TEX15: variants seen among roughly 807,000 people sequenced by gnomAD.
TEX15 encodes the protein testis-expressed protein 15.
Under a neutral mutation model 237.3 loss-of-function variants are expected in TEX15, and 171 were observed. The ratio of observed to expected loss-of-function variants is 0.72; its 90% CI spans 0.64 to 0.82. The LOEUF (loss-of-function observed/expected upper bound fraction) is 0.82, where lower values mean the gene tolerates loss of function less well. TEX15 is among the 40% of genes least tolerant of loss of function. The pLI is 0.00. For missense variants in TEX15, 3,750 were observed against 3,646.5 expected (o/e 1.03, Z -0.73); for synonymous variants, 1,338 against 1,269.8 (o/e 1.05, Z -1.14).
chr8:30,864,139 C>T (rs1163138735), intron 5 of TEX15, among the ~76,000 whole-genome samples: 1 of 151,804 alleles, frequency 6.6e-6, no homozygotes, highest in Non-Finnish European at 1.5e-5. Flanking sequence ...AAAAAGAAAT[C>T]CAATAGCTGA....
At position 30,842,253 on chromosome 8, in the gene TEX15, T is replaced by A. The variant is rs201135018; in HGVS notation, c.7914A>T (p.Leu2638=). 1 of 1,613,666 alleles carries A rather than the reference T, an allele frequency of 6.2e-7. No individual in the cohort carries two copies. The highest frequency in any genetic ancestry group is 2.2e-5 in the East Asian group (1 of 44,824). Residue 2638 remains leucine (L), a synonymous_variant, in exon 8 of 11, where the codon CTA becomes CTT. Transcript: ENST00000643185. ...KNAELTISFF[L]CQMLYNRRKI... The stretch of plus-strand genomic sequence containing the variant: ...TCCTTCTGTTATACAGCATTTGGCA[T>A]AGGAAAAAGGAAATGGTTAGTTCAG...
chr8:30,897,163 C>G (rs1311610617), intron 2 of TEX15, among the ~76,000 whole-genome samples: 1 of 152,152 alleles, frequency 6.6e-6, no homozygotes, highest in East Asian at 1.9e-4. Flanking sequence ...GTATCTTGTC[C>G]TGATTCTGCC....
intron 3 of TEX15, among the ~76,000 whole-genome samples, chr8:30,875,357 C>T (rs1301498642): frequency 6.6e-6 from 1 of 152,166 alleles, no homozygotes; most frequent in Non-Finnish European, 1.5e-5. Context: ...ACAGATATGA[C>T]AGTCCCAGAA....
At chr8:30,866,359 A>G (rs1374778078) in intron 5 of TEX15, among the ~76,000 whole-genome samples, 1 of 146,856 alleles carries the variant, frequency 6.8e-6, no homozygotes, top group Non-Finnish European at 1.5e-5. Context: ...GAGAAAGGAG[A>G]AAGGGGAAGA....
At chr8:30,912,391 C>T (rs1809247003) in intron 1 of TEX15, among the ~76,000 whole-genome samples, 1 of 146,644 alleles carries the variant, frequency 6.8e-6, no homozygotes, top group African/African-American at 2.5e-5. Flanking sequence ...TCCCCACGCG[C>T]CCTGCGCAAC....
At chr8:30,841,637 C>A (rs1040474122) in intron 8 of TEX15, among the ~76,000 whole-genome samples, 1 of 152,182 alleles carries the variant, frequency 6.6e-6, no homozygotes, top group South Asian at 2.1e-4. Flanking sequence ...ATATTCACTA[C>A]ACGGGGCATA....
At chr8:30,868,534 C>G (rs909465996) in intron 4 of TEX15, among the ~76,000 whole-genome samples, 1 of 151,926 alleles carries the variant, frequency 6.6e-6, no homozygotes, top group Non-Finnish European at 1.5e-5. Context: ...TGAAGTATAC[C>G]ATGCACATAA....
intron 5 of TEX15, among the ~76,000 whole-genome samples, chr8:30,866,359 AAAGGGGAAGAGGAAGGGG>A (rs895788599): frequency 1.4e-5 from 2 of 146,856 alleles, no homozygotes; most frequent in Admixed American, 6.7e-5. Flanking sequence ...GAGAAAGGAG[AAAGGGGAAGAGGAAGGGG>A]AAGGGGAAGG....
At position 30,866,732 on chromosome 8, in the gene TEX15, C is replaced by T. The variant is rs576347149; in HGVS notation, c.540+533G>A. On this transcript the variant is annotated intron_variant, in intron 5 of 10. Transcript: ENST00000643185. ...CAAGGCTTTGACACACACATACACA[C>T]ACACACACACACGCATGCACAAAAT... Among the ~76,000 whole-genome samples, 32 of 141,728 alleles carry T rather than the reference C, an allele frequency of 2.3e-4. 1 individual carries two copies. In the East Asian group the frequency reaches 6.0e-3, roughly 27 times the overall value. The allele number at this position is 141,728 out of a possible 152,430, so 93.0% of individuals were successfully genotyped here.
intron 9 of TEX15, among the ~76,000 whole-genome samples, chr8:30,838,821 T>TGA (rs1807379273): frequency 3.5e-5 from 3 of 86,840 alleles, no homozygotes; most frequent in Non-Finnish European, 7.4e-5. Context: ...TATATATATA[T>TGA]GAATTTTTTT....
intron 4 of TEX15, among the ~76,000 whole-genome samples, chr8:30,869,345 T>G (rs1808242124): frequency 6.6e-6 from 1 of 151,936 alleles, no homozygotes; most frequent in Non-Finnish European, 1.5e-5. Flanking sequence ...AAGAAACCAT[T>G]GACTAGCAGA....
chr8:30,847,110 A>C lies in TEX15; in HGVS notation c.3057T>G (p.Gly1019=). 6.2e-7 allele frequency: 1 copy of C among 1,613,744 alleles called. No homozygotes were observed. Among genetic ancestry groups the C allele is most frequent in the Non-Finnish European group, 8.5e-7 (1 of 1,179,852 alleles). The change falls in exon 8 of 11, where the codon GGT becomes GGG. Residue 1019 remains glycine, a synonymous_variant. Transcript: ENST00000643185. ...CAGAAACCCTATGTTTTACTAACAA[A>C]CCAAAATCTGGACTTTCAGAAGAAC... ...ETCSSESPDF[G]LLVKHRVSDC...
chr8:30,837,009 A>C lies in TEX15; in HGVS notation c.9275T>G (p.Leu3092Arg), dbSNP rs751585820. 1.9e-5 allele frequency: 30 copies of C among 1,614,164 alleles called. No homozygotes were observed. Among genetic ancestry groups the C allele is most frequent in the African/African-American group, 1.6e-4 (12 of 75,044 alleles). ...STAQGTHSNL[L>R]YSQYFTYFAG... ...AAAATAAGTAAAATATTGAGAGTACAGAAGATTAGAATGTGTGCCCTGGGC... is the reference window on the plus strand; with the variant it reads ...AAAATAAGTAAAATATTGAGAGTACCGAAGATTAGAATGTGTGCCCTGGGC... The change falls in exon 10 of 11, where the codon CTG (leucine) becomes CGG (arginine). Residue 3092 changes from leucine (L) to arginine (R), a missense_variant. Coordinates refer to ENST00000643185, the MANE Select transcript of TEX15 (RefSeq NM_001350162.2).
intron 5 of TEX15, among the ~76,000 whole-genome samples, chr8:30,865,067 A>C (rs1660174924): frequency 6.6e-6 from 1 of 152,078 alleles, no homozygotes; most frequent in Admixed American, 6.6e-5. Context: ...CAAAATATAC[A>C]AACTGTTACT....
intron 5 of TEX15, among the ~76,000 whole-genome samples, chr8:30,862,201 A>T (rs1013254092): frequency 2.5e-4 from 38 of 152,206 alleles, no homozygotes; most frequent in Non-Finnish European, 5.0e-4. Context: ...TCGTGTGTGT[A>T]AAATGTACCT....
At chr8:30,851,937 A>G (rs559386093) in intron 7 of TEX15, among the ~76,000 whole-genome samples, 31 of 152,250 alleles carry the variant, frequency 2.0e-4, no homozygotes, top group African/African-American at 7.5e-4. Context: ...CCATCTCAAA[A>G]CAAACAAGCA....
At position 30,842,061 on chromosome 8, in the gene TEX15, A is replaced by C. The variant is rs769994528; in HGVS notation, c.8106T>G (p.Cys2702Trp). ...SKKRPSTVDK[C>W]EDSQEQQQDT... ...CTTGCTGTTGTTCCTGAGAGTCTTC[A>C]CATTTGTCTACAGTGCTCGGTCGTT... is the stretch of plus-strand genomic sequence containing the variant. The change falls in exon 8 of 11, where the codon TGT becomes TGG. Residue 2702 changes from cysteine to tryptophan, a missense_variant. By Grantham distance (215) the Cys-to-Trp change is radical (BLOSUM62 -2). Coordinates refer to ENST00000643185, the MANE Select transcript of TEX15 (RefSeq NM_001350162.2). The C allele has an allele frequency of 2.5e-6, 4 of 1,611,714 alleles. No homozygotes were observed. In the East Asian group the frequency reaches 8.9e-5, roughly 36 times the overall value.
At chr8:30,882,150 T>A (rs1384209651) in intron 3 of TEX15, among the ~76,000 whole-genome samples, 4 of 152,246 alleles carry the variant, frequency 2.6e-5, no homozygotes, top group African/African-American at 9.6e-5. Context: ...AGAGATAAGG[T>A]CTCACTATGT....
In TEX15 at chr8:30,843,681, T is replaced by G. The variant is rs1436932246; in HGVS notation, c.6486A>C (p.Ser2162=). ...LLEETKREKN[S]YYVFLKYKRQ... is the part of the protein sequence containing the mutation. ...GTTTGTACTTTAAGAATACATAGTATGAATTCTTTTCCCTTTTTGTTTCTT... is the reference window on the plus strand; with the variant it reads ...GTTTGTACTTTAAGAATACATAGTAGGAATTCTTTTCCCTTTTTGTTTCTT... Residue 2162 remains serine, a synonymous_variant, in exon 8 of 11, where the codon TCA becomes TCC. Coordinates refer to ENST00000643185, the MANE Select transcript of TEX15 (RefSeq NM_001350162.2). 1 of 1,612,462 alleles carries G rather than the reference T, an allele frequency of 6.2e-7. No individual in the cohort carries two copies. Among genetic ancestry groups the G allele is most frequent in the Non-Finnish European group, 8.5e-7 (1 of 1,179,412 alleles).
Sources: gnomAD v4.1 joint callset for allele counts (sites outside exome capture counted in the v4.1 genomes callset) on GRCh38, gnomAD v4.1.1 for gene constraint, MANE v1.5 for transcripts, NCBI Gene and HGNC (gene_info 2026-07-23, HGNC 2026-07-21) for gene names.